Variants in RARB observed in about 807,000 individuals in gnomAD.
The protein encoded by RARB is HBV-activated protein.
RARB carries 17 observed loss-of-function variants against 51.9 expected under a neutral mutation model. That is an observed-to-expected ratio of 0.33 (90% CI 0.22 to 0.49). The LOEUF (loss-of-function observed/expected upper bound fraction) is 0.49. RARB is among the 20% of genes least tolerant of loss of function. The pLI, the probability that RARB is intolerant of heterozygous loss-of-function variation, is 0.99. For synonymous variants in RARB, 215 were observed against 195.4 expected (o/e 1.10, Z -0.84); for missense variants, 369 against 550.8 (o/e 0.67, Z 3.30).
intron 3 of RARB, among the ~76,000 whole-genome samples, chr3:25,070,444 A>G (rs1426175659): frequency 1.3e-5 from 2 of 152,206 alleles, no homozygotes; most frequent in Non-Finnish European, 2.9e-5. Context: ...CAATTTTCTA[A>G]TTCAGTTCAA....
chr3:25,078,681 G>A (rs1461370024), intron 3 of RARB, among the ~76,000 whole-genome samples: 2 of 151,898 alleles, frequency 1.3e-5, no homozygotes, highest in Non-Finnish European at 2.9e-5. Context: ...ACAGGCATCC[G>A]CCACCACGCT....
At chr3:25,182,033 G>A (rs1481353634) in intron 5 of RARB, among the ~76,000 whole-genome samples, 1 of 152,058 alleles carries the variant, frequency 6.6e-6, no homozygotes, top group African/African-American at 2.4e-5. Flanking sequence ...TTCATCCTTG[G>A]TATTGCAGTC....
chr3:25,305,280 A>C (rs551433478), intron 5 of RARB, among the ~76,000 whole-genome samples: 51 of 152,248 alleles, frequency 3.3e-4, no homozygotes, highest in Middle Eastern at 3.4e-3. Flanking sequence ...TTTAAGGAAA[A>C]AGAGAAAAAG....
chr3:25,246,464 A>G (rs756103280), intron 5 of RARB, among the ~76,000 whole-genome samples: 3 of 151,768 alleles, frequency 2.0e-5, no homozygotes, highest in Non-Finnish European at 4.4e-5. Context: ...GGATTTACCT[A>G]CCTTTGGTCT....
chr3:25,313,506 G>A (rs1704341752), intron 5 of RARB, among the ~76,000 whole-genome samples: 1 of 152,106 alleles, frequency 6.6e-6, no homozygotes, highest in Admixed American at 6.6e-5. Flanking sequence ...AAACTTCTTT[G>A]CCTGGTTCCC....
chr3:25,330,159 A>G (rs1704848898), intron 5 of RARB, among the ~76,000 whole-genome samples: 1 of 152,184 alleles, frequency 6.6e-6, no homozygotes. Flanking sequence ...CAGGAAATAC[A>G]GAGAACTCCA....
At chr3:25,518,030 G>A (rs1345857348) in intron 3 of RARB, among the ~76,000 whole-genome samples, 2 of 152,080 alleles carry the variant, frequency 1.3e-5, no homozygotes, top group East Asian at 3.9e-4. Flanking sequence ...GAAATATTCT[G>A]GACTTAGATG....
intron 1 of RARB, among the ~76,000 whole-genome samples, chr3:25,452,452 C>T (rs2125543508): frequency 6.6e-6 from 1 of 152,132 alleles, no homozygotes; most frequent in East Asian, 1.9e-4. Flanking sequence ...CTGAGTCTTA[C>T]TCTCTTTCTA....
intron 2 of RARB, among the ~76,000 whole-genome samples, chr3:24,881,754 G>A (rs1703170894): frequency 6.6e-6 from 1 of 152,154 alleles, no homozygotes; most frequent in South Asian, 2.1e-4. Context: ...GTGGCAGGTG[G>A]TAGCCCAAGG....
intron 5 of RARB, among the ~76,000 whole-genome samples, chr3:25,331,187 T>A (rs982476494): frequency 1.3e-5 from 2 of 152,184 alleles, no homozygotes; most frequent in Non-Finnish European, 2.9e-5. Context: ...AATAAACATC[T>A]ACAGAATTCT....
intron 5 of RARB, among the ~76,000 whole-genome samples, chr3:25,225,974 G>T (rs1702046603): frequency 6.6e-6 from 1 of 152,068 alleles, no homozygotes; most frequent in African/African-American, 2.4e-5. Context: ...TCAGAAAATA[G>T]ATATATAATA....
At chr3:25,070,501 G>A (rs1698746281) in intron 3 of RARB, among the ~76,000 whole-genome samples, 1 of 150,092 alleles carries the variant, frequency 6.7e-6, no homozygotes, top group African/African-American at 2.5e-5. Context: ...CTTAGGTGCT[G>A]TTGGAGTTAT....
At chr3:25,333,716 A>T (rs1387336992) in intron 5 of RARB, among the ~76,000 whole-genome samples, 1 of 152,230 alleles carries the variant, frequency 6.6e-6, no homozygotes, top group Non-Finnish European at 1.5e-5. Flanking sequence ...ACAGCAAAAG[A>T]AACTACCATC....
chr3:25,195,201 CCAAA>C, intron 5 of RARB, among the ~76,000 whole-genome samples: 1 of 151,326 alleles, frequency 6.6e-6, no homozygotes, highest in South Asian at 2.1e-4. Context: ...TTTTTTTTTT[CCAAA>C]CAGTTTCACC....
At chr3:25,481,263 T>C (rs1013472611) in intron 2 of RARB, among the ~76,000 whole-genome samples, 1 of 152,234 alleles carries the variant, frequency 6.6e-6, no homozygotes, top group African/African-American at 2.4e-5. Flanking sequence ...TAAAAGTTTT[T>C]AAAAGACTGT....
At chr3:24,865,627 T>C (rs1702833143) in intron 2 of RARB, among the ~76,000 whole-genome samples, 1 of 152,176 alleles carries the variant, frequency 6.6e-6, no homozygotes, top group African/African-American at 2.4e-5. Flanking sequence ...TTATATTTAT[T>C]ATAACTTAAT....
chr3:25,111,727 C>T (rs532393258), intron 3 of RARB, among the ~76,000 whole-genome samples: 5 of 151,798 alleles, frequency 3.3e-5, no homozygotes, highest in South Asian at 2.1e-4. Context: ...TACAGGCACC[C>T]GCCACCATGC....
chr3:24,933,173 CA>C (rs1695477299), intron 2 of RARB, among the ~76,000 whole-genome samples: 1 of 151,912 alleles, frequency 6.6e-6, no homozygotes, highest in South Asian at 2.1e-4. Context: ...TAAAAATATG[CA>C]AATCCTATAA....
chr3:25,325,560 T>G (rs1182919750), intron 5 of RARB, among the ~76,000 whole-genome samples: 1 of 144,340 alleles, frequency 6.9e-6, no homozygotes, highest in Non-Finnish European at 1.5e-5. Context: ...GCACTTCATT[T>G]TGTGGGGGTT....
Sources: allele counts gnomAD v4.1 joint callset (sites outside exome capture counted in the v4.1 genomes callset), GRCh38; gene constraint gnomAD v4.1.1; transcripts MANE v1.5; gene names NCBI Gene and HGNC (gene_info 2026-07-23, HGNC 2026-07-21).